The following MYOM3 variants were observed in gnomAD, a reference collection of about 807,000 sequenced individuals.
The protein encoded by MYOM3 is myomesin-3.
A neutral mutation model predicts 191.7 loss-of-function variants in MYOM3; 155 were observed. That is an observed-to-expected ratio of 0.81 (90% CI 0.71 to 0.92). The LOEUF is 0.92. Among genes scored for constraint, MYOM3 ranks in the 40% least tolerant of loss-of-function variants. The probability of loss-of-function intolerance (pLI) is 0.00; values close to 1 mark genes in which losing one functional copy is unlikely to be tolerated. For missense variants in MYOM3, 1,889 were observed against 1,890.6 expected (o/e 1.00, Z 0.02); for synonymous variants, 757 against 762.9 (o/e 0.99, Z 0.13).
chr1:24,093,107 CCCTGT>C lies in MYOM3; in HGVS notation c.929-4_929del, dbSNP rs779724966. The C allele has an allele frequency of 6.2e-7, 1 of 1,606,132 alleles. No homozygotes were observed. Among genetic ancestry groups the C allele is most frequent in the South Asian group, 1.1e-5 (1 of 90,732 alleles). On this transcript the variant is annotated splice_acceptor_variant and splice_polypyrimidine_tract_variant and coding_sequence_variant and intron_variant, in exon 10 of 37. Coordinates refer to ENST00000374434, the MANE Select transcript of MYOM3 (RefSeq NM_152372.4). LOFTEE classifies it high-confidence loss of function. ...GACGTCTCGAGGACCTCAGTAGGCTCCCTGTGGAGGGGAAGTGGGGGGCCATTGAG... is the reference window on the plus strand; with the variant it reads ...GACGTCTCGAGGACCTCAGTAGGCTCGGAGGGGAAGTGGGGGGCCATTGAG...
At position 24,072,011 on chromosome 1, in the gene MYOM3, G is replaced by T; in HGVS notation, c.2971C>A (p.Leu991Met). 1 of 1,614,094 alleles carries T rather than the reference G, an allele frequency of 6.2e-7. No homozygotes were observed. Among genetic ancestry groups the T allele is most frequent in the Non-Finnish European group, 8.5e-7 (1 of 1,179,954 alleles). Reference sequence around the variant, plus strand: ...TGACTCAGCTTCTTCAGCTTCTCCAGCTCTGGGATAGGGGGAAGTGAGGAA... The same window carrying T: ...TGACTCAGCTTCTTCAGCTTCTCCATCTCTGGGATAGGGGGAAGTGAGGAA... ...SASHTLTEEE[L>M]EKLKKLSHEI... Residue 991 changes from leucine to methionine, a missense_variant and splice_region_variant, in exon 24 of 37, where the codon CTG (leucine) becomes ATG (methionine). Leu to Met is a conservative substitution (Grantham distance 15). Transcript: ENST00000374434.
At chr1:24,098,545 T>TC (rs556742311) in intron 6 of MYOM3, among the ~76,000 whole-genome samples, 58 of 152,354 alleles carry the variant, frequency 3.8e-4, no homozygotes, top group Middle Eastern at 3.4e-3. Context: ...GCCAGCTCCA[T>TC]CCCAGGGGCA....
Position 24,108,049 on chromosome 1 carries a change from G to A in MYOM3, c.186C>T (p.Ala62=), listed in dbSNP as rs372084683. 193 of 1,613,784 alleles carry A rather than the reference G, an allele frequency of 1.2e-4. 2 individuals are homozygous for A. The South Asian group carries it at 1.9e-3, about 16-fold the overall frequency. The change falls in exon 3 of 37, where the codon GCC becomes GCT. Residue 62 remains alanine (A), a synonymous_variant. Coordinates refer to ENST00000374434, the MANE Select transcript of MYOM3 (RefSeq NM_152372.4). Reference sequence around the variant, plus strand: ...GGGCTGCTGCCAGGGCGTAGTCCGCGGCGCTGAACTCATGCTCTTCTTCGC... The same window carrying A: ...GGGCTGCTGCCAGGGCGTAGTCCGCAGCGCTGAACTCATGCTCTTCTTCGC... ...RSSEEEHEFS[A]ADYALAAALA...
At position 24,063,885 on chromosome 1, in the gene MYOM3, A is replaced by G. The variant is rs373718883; in HGVS notation, c.3622+187T>C. Among the ~76,000 whole-genome samples, 19 of 152,232 alleles carry G rather than the reference A, an allele frequency of 1.2e-4. No homozygotes were observed. In the South Asian group the frequency reaches 3.5e-3, roughly 28 times the overall value. On this transcript the variant is annotated intron_variant, in intron 30 of 36. Transcript: ENST00000374434. The surrounding 1 kb of genome is among the most constrained non-coding windows in gnomAD (Gnocchi z 4.5). ...GTGGTATACTGTGGTGAACGAGGGCATCGGAGTCACACCGACCTGGCTCCT... is the reference window on the plus strand; with the variant it reads ...GTGGTATACTGTGGTGAACGAGGGCGTCGGAGTCACACCGACCTGGCTCCT...
In MYOM3 at chr1:24,067,105, A is replaced by G. The variant is rs763685902; in HGVS notation, c.3356-17T>C. The stretch of plus-strand genomic sequence containing the variant: ...AATAGGGACCTGTGCGTGCAAAACA[A>G]ATGTGCCCACTGTCAGAGAGCCAGG... On this transcript the variant is annotated splice_polypyrimidine_tract_variant and intron_variant, in intron 27 of 36. Transcript: ENST00000374434. The G allele has an allele frequency of 8.9e-6, 14 of 1,564,712 alleles. No individual in the cohort carries two copies. The highest frequency in any genetic ancestry group is 1.2e-5 in the Non-Finnish European group (14 of 1,153,020).
chr1:24,061,327 G>T lies in MYOM3; in HGVS notation c.3935-18C>A, dbSNP rs568664028. ...CTCAAAAGCTATAAGAAGGACAGAG[G>T]AGAATGGGGGCCATCAGGGCCTCTG... On this transcript the variant is annotated intron_variant, in intron 33 of 36. Transcript: ENST00000374434. 3.7e-5 allele frequency: 59 copies of T among 1,613,614 alleles called. 1 individual carries two copies. The South Asian group carries it at 6.2e-4, about 17-fold the overall frequency.
In MYOM3 at chr1:24,093,111, G is replaced by C; in HGVS notation, c.929-3C>G. 3 of 1,605,132 alleles carry C rather than the reference G, an allele frequency of 1.9e-6. No individual in the cohort carries two copies. The highest frequency in any genetic ancestry group is 2.2e-5 in the East Asian group (1 of 44,736). The stretch of plus-strand genomic sequence containing the variant: ...TCTCGAGGACCTCAGTAGGCTCCCT[G>C]TGGAGGGGAAGTGGGGGGCCATTGA... On this transcript the variant is annotated splice_polypyrimidine_tract_variant and splice_region_variant and intron_variant, in intron 9 of 36. Coordinates refer to ENST00000374434, the MANE Select transcript of MYOM3 (RefSeq NM_152372.4).
At position 24,093,083 on chromosome 1, in the gene MYOM3, AC is replaced by A; in HGVS notation, c.953del (p.Arg318LeufsTer13). The A allele has an allele frequency of 1.2e-6, 2 of 1,610,674 alleles. No individual in the cohort carries two copies. Among genetic ancestry groups the A allele is most frequent in the Non-Finnish European group, 1.7e-6 (2 of 1,179,634 alleles). On this transcript the variant is annotated frameshift_variant, in exon 10 of 37. Coordinates refer to ENST00000374434, the MANE Select transcript of MYOM3 (RefSeq NM_152372.4). LOFTEE classifies it high-confidence loss of function. ...GGCGGTCTGTGTAGAGGATCTTCCG[AC>A]GTCTCGAGGACCTCAGTAGGCTCCC... ...RDGSLLRSSR[R>X]RKILYTDRQA...
chr1:24,066,582 C>G, intron 28 of MYOM3: 1 of 366,420 alleles, frequency 2.7e-6, no homozygotes, highest in East Asian at 5.4e-5. Flanking sequence ...TACCGTGTGG[C>G]CTTGAGCTAT....
At chr1:24,067,400 TTCCTTCCTTCCTTCCTTCC>T in intron 27 of MYOM3, among the ~76,000 whole-genome samples, 2 of 45,838 alleles carry the variant, frequency 4.4e-5, no homozygotes, top group South Asian at 1.3e-3. Flanking sequence ...CCTTCCTTCC[TTCCTTCCTTCCTTCCTTCC>T]TTCCTTCCTT....
At chr1:24,094,171 T>C (rs900364227) in intron 9 of MYOM3, among the ~76,000 whole-genome samples, 3 of 54,530 alleles carry the variant, frequency 5.5e-5, no homozygotes, top group African/African-American at 1.9e-4. Context: ...TCACTCACTT[T>C]TTTTTTTTTT....
rs188844905 is a variant in MYOM3, at chr1:24,098,008, G to T, written c.660C>A (p.Cys220Ter). Residue 220 changes from cysteine (C) to a stop codon, truncating the protein, a stop_gained, in exon 7 of 37, where the codon TGC becomes TGA. Transcript: ENST00000374434. LOFTEE classifies it high-confidence loss of function. ...TGTAAGTTGCTGAGTCCTCAATGGC[G>T]CATCTGAAAAGGAGAGAGGGAGAAG... Reference protein sequence around the residue: ...YGLLSLEIRRCAIEDSATYTV... With the variant: ...YGLLSLEIRR 7.5e-6 allele frequency: 12 copies of T among 1,607,616 alleles called. No homozygotes were observed. Among genetic ancestry groups the T allele is most frequent in the African/African-American group, 1.3e-5 (1 of 74,802 alleles).
chr1:24,094,633 C>T (rs550997043), intron 9 of MYOM3, among the ~76,000 whole-genome samples: 2 of 152,274 alleles, frequency 1.3e-5, no homozygotes, highest in South Asian at 4.1e-4. Context: ...CAGCCCTAAC[C>T]CAGGGCCTGG....
At chr1:24,062,456 T>C (rs538120373) in intron 32 of MYOM3, among the ~76,000 whole-genome samples, 76 of 152,314 alleles carry the variant, frequency 5.0e-4, no homozygotes, top group African/African-American at 1.7e-3. Context: ...TGGCTCTCAC[T>C]CATTTGACAA....
In MYOM3 at chr1:24,106,966, C is replaced by T. The variant is rs1570890059; in HGVS notation, c.402+107G>A. 3.4e-6 allele frequency: 4 copies of T among 1,176,628 alleles called. No homozygotes were observed. In the East Asian group the frequency reaches 1.1e-4, roughly 31 times the overall value. 72.9% of individuals were successfully genotyped at this position (1,176,628 alleles called of 1,614,324 possible). On this transcript the variant is annotated intron_variant, in intron 4 of 36. Coordinates refer to ENST00000374434, the MANE Select transcript of MYOM3 (RefSeq NM_152372.4). ...AGGGGCATCAGATGCAGACCCAAAG[C>T]CTGGACTCTGCCCTGGATGTCCCGC... is the stretch of plus-strand genomic sequence containing the variant.
At position 24,091,015 on chromosome 1, in the gene MYOM3, C is replaced by A. The variant is rs371256821; in HGVS notation, c.1233-19G>T. ...CTGGCACCTGTTGGAGACAGGCCCCCCCTTTCAGCCCCTGCCCACAATGCA... is the reference window on the plus strand; with the variant it reads ...CTGGCACCTGTTGGAGACAGGCCCCACCTTTCAGCCCCTGCCCACAATGCA... On this transcript the variant is annotated intron_variant, in intron 11 of 36. Coordinates refer to ENST00000374434, the MANE Select transcript of MYOM3 (RefSeq NM_152372.4). 1 of 1,612,638 alleles carries A rather than the reference C, an allele frequency of 6.2e-7. No individual in the cohort carries two copies. Among genetic ancestry groups the A allele is most frequent in the Admixed American group, 1.7e-5 (1 of 59,968 alleles).
intron 10 of MYOM3, 96 bp from the exon 11 acceptor site, chr1:24,092,411 C>T: frequency 1.5e-5 from 17 of 1,114,394 alleles, no homozygotes; most frequent in Non-Finnish European, 1.9e-5. Flanking sequence ...CTCATCCATC[C>T]TCCAGGGGCT....
rs1003153179 is a variant in MYOM3, at chr1:24,075,605, G to T, written c.2702-130C>A. The T allele has an allele frequency of 1.6e-5, 15 of 965,096 alleles. No homozygotes were observed. The African/African-American group carries it at 2.4e-4, about 15-fold the overall frequency. The allele number at this position is 965,096 out of a possible 1,614,324, so 59.8% of individuals were successfully genotyped here. A position where few individuals can be genotyped will look rare whatever the true frequency, so the allele number is the denominator to read the frequency against. ...ATAAACTTGACTCCTTGCTGTGGCT[G>T]CCAAGGCCTTGCAGGATCCGGCTCC... On this transcript the variant is annotated intron_variant, in intron 21 of 36. Coordinates refer to ENST00000374434, the MANE Select transcript of MYOM3 (RefSeq NM_152372.4).
At chr1:24,061,890 A>C (rs2148541149) in intron 33 of MYOM3, 56 bp downstream of exon 33, 1 of 1,599,634 alleles carries the variant, frequency 6.3e-7, no homozygotes, top group Non-Finnish European at 8.6e-7. Flanking sequence ...GTGTGCCCAG[A>C]CTGTCCATGG....
Sources: allele counts gnomAD v4.1 joint callset (sites outside exome capture counted in the v4.1 genomes callset), GRCh38; gene constraint gnomAD v4.1.1; non-coding constraint Gnocchi (gnomAD v3.1); transcripts MANE v1.5; gene names NCBI Gene and HGNC (gene_info 2026-07-23, HGNC 2026-07-21).